The following GALNT3 variants were observed in gnomAD, a reference collection of about 807,000 sequenced individuals.
The protein encoded by GALNT3 is GalNAc transferase 3.
GALNT3 carries 51 observed loss-of-function variants against 69.8 expected under a neutral mutation model. That is an observed-to-expected ratio of 0.73 (90% CI 0.58 to 0.92). GALNT3 has a LOEUF of 0.92. Among genes scored for constraint, GALNT3 ranks in the 40% least tolerant of loss-of-function variants. The pLI, the probability that GALNT3 is intolerant of heterozygous loss-of-function variation, is 0.00. For missense variants in GALNT3, 711 were observed against 760.0 expected (o/e 0.94, Z 0.76); for synonymous variants, 265 against 248.5 (o/e 1.07, Z -0.63).
At chr2:165,778,288 T>A (rs902017404) in intron 1 of GALNT3, among the ~76,000 whole-genome samples, 1 of 152,218 alleles carries the variant, frequency 6.6e-6, no homozygotes, top group East Asian at 1.9e-4. Flanking sequence ...TTTAGGTGGA[T>A]CCAGAGATTA....
intron 1 of GALNT3, among the ~76,000 whole-genome samples, chr2:165,782,656 C>T (rs1378871998): frequency 6.6e-6 from 1 of 152,138 alleles, no homozygotes; most frequent in Non-Finnish European, 1.5e-5. Flanking sequence ...CCATTTGTTA[C>T]CTGAGCACTT....
chr2:165,762,016 ATTGTTTTACATATTCATC>A lies in GALNT3; in HGVS notation c.709_726del (p.Asp237_Gln242del). 6.3e-7 allele frequency: 1 copy of A among 1,593,386 alleles called. No homozygotes were observed. The highest frequency in any genetic ancestry group is 8.6e-7 in the Non-Finnish European group (1 of 1,161,394). On this transcript the variant is annotated inframe_deletion, in exon 4 of 11. Coordinates refer to ENST00000392701, the MANE Select transcript of GALNT3 (RefSeq NM_004482.4). ...TGTCTGACTATTTTTACTATAGAAA[ATTGTTTTACATATTCATC>A]TAGTTTATCATGTAAGTACTCTGTA... is the stretch of plus-strand genomic sequence containing the variant.
intron 1 of GALNT3, among the ~76,000 whole-genome samples, chr2:165,778,831 G>A (rs1433657475): frequency 2.6e-5 from 4 of 152,190 alleles, no homozygotes; most frequent in African/African-American, 9.6e-5. Flanking sequence ...CAGGAGTTTA[G>A]TGAACTTTCA....
intron 1 of GALNT3, among the ~76,000 whole-genome samples, chr2:165,793,443 T>A (rs552741618): frequency 6.6e-6 from 1 of 152,216 alleles, no homozygotes; most frequent in East Asian, 1.9e-4. Context: ...GAGAGGGGTG[T>A]CCGCGTCCCG....
chr2:165,787,234 T>C (rs1683242870), intron 1 of GALNT3, among the ~76,000 whole-genome samples: 1 of 152,190 alleles, frequency 6.6e-6, no homozygotes, highest in South Asian at 2.1e-4. Context: ...GCATGTTAAG[T>C]AGTTATGCCA....
intron 4 of GALNT3, among the ~76,000 whole-genome samples, chr2:165,761,240 G>T (rs2105409439): frequency 6.6e-6 from 1 of 152,158 alleles, no homozygotes; most frequent in African/African-American, 2.4e-5. Flanking sequence ...GAAACGGAGT[G>T]TCACTCTGCT....
At chr2:165,783,849 C>G (rs1683164507) in intron 1 of GALNT3, among the ~76,000 whole-genome samples, 1 of 152,144 alleles carries the variant, frequency 6.6e-6, no homozygotes, top group Non-Finnish European at 1.5e-5. Flanking sequence ...AGATATAAAA[C>G]AGAATTTTTT....
intron 1 of GALNT3, among the ~76,000 whole-genome samples, chr2:165,777,626 T>C (rs1448451065): frequency 3.9e-5 from 6 of 152,336 alleles, no homozygotes; most frequent in African/African-American, 1.4e-4. Flanking sequence ...GTTTTGATTA[T>C]GTTTAAGTTC....
At position 165,749,800 on chromosome 2, in the gene GALNT3, C is replaced by T. The variant is rs1243794501; in HGVS notation, c.1721G>A (p.Cys574Tyr). The T allele has an allele frequency of 3.7e-6, 6 of 1,613,520 alleles. No homozygotes were observed. Among genetic ancestry groups the T allele is most frequent in the Non-Finnish European group, 5.1e-6 (6 of 1,179,634 alleles). The change falls in exon 10 of 11, where the codon TGT becomes TAT. Residue 574 changes from cysteine (C) to tyrosine (Y), a missense_variant. Cys to Tyr is a radical substitution (Grantham distance 194). Transcript: ENST00000392701. ...AACTGTCTTGTGACCTTTGTAGGTACATGCCTTCAGCTGAACGAGACCTTG... is the reference window on the plus strand; with the variant it reads ...AACTGTCTTGTGACCTTTGTAGGTATATGCCTTCAGCTGAACGAGACCTTG... ...AAQGLVQLKA[C>Y]TYKGHKTVVT...
chr2:165,762,118 G>T, intron 3 of GALNT3, 64 bp from the exon 4 acceptor site: 1 of 1,172,532 alleles, frequency 8.5e-7, no homozygotes, highest in East Asian at 2.4e-5. Flanking sequence ...GCTTATGAAA[G>T]CTAATGAAAC....
rs200595607 is a variant in GALNT3, at chr2:165,770,328, C to T, written c.373G>A (p.Gly125Ser). The T allele has an allele frequency of 3.1e-6, 5 of 1,614,076 alleles. No homozygotes were observed. The highest frequency in any genetic ancestry group is 4.2e-6 in the Non-Finnish European group (5 of 1,180,030). ...PQDSNAPGAS[G>S]KAFKTTNLSV... Reference sequence around the variant, plus strand: ...AAATTGGTTGTCTTGAATGCTTTACCAGAAGCACCAGGTGCATTTGAATCC... The same window carrying T: ...AAATTGGTTGTCTTGAATGCTTTACTAGAAGCACCAGGTGCATTTGAATCC... The change falls in exon 2 of 11, where the codon GGT becomes AGT. Residue 125 changes from glycine to serine, a missense_variant. Physicochemically the swap from Gly to Ser is moderately conservative, Grantham distance 56 (BLOSUM62 0). Transcript: ENST00000392701.
At chr2:165,754,583 T>G (rs769480810) in intron 9 of GALNT3, 44 bp downstream of exon 9, 1 of 1,370,084 alleles carries the variant, frequency 7.3e-7, no homozygotes, top group East Asian at 2.3e-5. Context: ...TCACTTGTGC[T>G]TGTAAATGCT....
rs1222398033 is a variant in GALNT3 at position 165,748,915 on chromosome 2, G to A, written c.1780-12C>T. On this transcript the variant is annotated splice_polypyrimidine_tract_variant and intron_variant, in intron 10 of 10. Transcript: ENST00000392701. Reference sequence around the variant, plus strand: ...TATAGAAGTTGATCCTAGAATAAAAGGAAACAACAGACATTAAATTCCAAG... The same window carrying A: ...TATAGAAGTTGATCCTAGAATAAAAAGAAACAACAGACATTAAATTCCAAG... 6.2e-7 allele frequency: 1 copy of A among 1,605,802 alleles called. No homozygotes were observed. Among genetic ancestry groups the A allele is most frequent in the Admixed American group, 1.7e-5 (1 of 59,546 alleles).
Position 165,758,919 on chromosome 2 carries a change from G to A in GALNT3, c.1074-55C>T, listed in dbSNP as rs1241713603. On this transcript the variant is annotated intron_variant, in intron 5 of 10. Coordinates refer to ENST00000392701, the MANE Select transcript of GALNT3 (RefSeq NM_004482.4). The stretch of plus-strand genomic sequence containing the variant: ...TATAAAAACTAAACAAGATAAAACA[G>A]CATATTTTAAGAACTGAAGTTAAAA... The A allele has an allele frequency of 3.7e-6, 4 of 1,094,468 alleles. No individual in the cohort carries two copies. The African/African-American group carries it at 6.2e-5, about 17-fold the overall frequency. The allele number at this position is 1,094,468 out of a possible 1,614,324, so 67.8% of individuals were successfully genotyped here. A position where few individuals can be genotyped will look rare whatever the true frequency, so the allele number is the denominator to read the frequency against.
rs183165675 is a variant in GALNT3, at chr2:165,758,588, T to G, written c.1191+159A>C. 12 of 577,210 alleles carry G rather than the reference T, an allele frequency of 2.1e-5. No individual in the cohort carries two copies. The East Asian group carries it at 3.5e-4, about 17-fold the overall frequency. 35.8% of individuals were successfully genotyped at this position (577,210 alleles called of 1,614,324 possible). On this transcript the variant is annotated intron_variant, in intron 6 of 10. Transcript: ENST00000392701. ...ATGAATAAATATATTAAGTTACATA[T>G]TAAAAGAAAATATTCTTATTCCAAA...
rs193294976 is a variant in GALNT3 at position 165,747,650 on chromosome 2, A to G, written c.*1131T>C. The G allele has an allele frequency of 2.6e-5, 4 of 153,152 alleles. No individual in the cohort carries two copies. The East Asian group carries it at 7.6e-4, about 29-fold the overall frequency. The allele number at this position is 153,152 out of a possible 1,614,324, so 9.5% of individuals were successfully genotyped here. A position where few individuals can be genotyped will look rare whatever the true frequency, so the allele number is the denominator to read the frequency against. ...AATTTTCTAAATATTGAACACAGGA[A>G]TTTTGCTATTCCTCATTTTTTGTGC... On this transcript the variant is annotated 3_prime_UTR_variant, in exon 11 of 11. Coordinates refer to ENST00000392701, the MANE Select transcript of GALNT3 (RefSeq NM_004482.4).
Position 165,770,631 on chromosome 2 carries a change from C to G in GALNT3, c.70G>C (p.Gly24Arg). ...ATTATAAAGAAAAAAATTACTGCAC[C>G]AAGCTTCCAGAACTTTTTATGGTAA... ...RHYHKKFWKL[G>R]AVIFFFIIVL... Residue 24 changes from glycine (G) to arginine (R), a missense_variant, in exon 2 of 11, where the codon GGT becomes CGT. Transcript: ENST00000392701. 1 of 1,601,754 alleles carries G rather than the reference C, an allele frequency of 6.2e-7. No individual in the cohort carries two copies. Among genetic ancestry groups the G allele is most frequent in the Non-Finnish European group, 8.5e-7 (1 of 1,176,208 alleles).
rs202158308 is a variant in GALNT3, at chr2:165,754,886, G to C, written c.1524+46C>G. 64 of 1,599,000 alleles carry C rather than the reference G, an allele frequency of 4.0e-5. No homozygotes were observed. The East Asian group carries it at 1.4e-3, about 36-fold the overall frequency. On this transcript the variant is annotated intron_variant, in intron 8 of 10. Transcript: ENST00000392701. ...TTTTCTTAGAACCACATAAAGGTTG[G>C]TGGCAAGGAGTATATTAATTAAAAA...
intron 1 of GALNT3, among the ~76,000 whole-genome samples, chr2:165,784,165 TA>T (rs1683172776): frequency 6.6e-6 from 1 of 152,318 alleles, no homozygotes; most frequent in South Asian, 2.1e-4. Context: ...TGAGGCCTAC[TA>T]AACACACACT....
Sources: allele counts gnomAD v4.1 joint callset (sites outside exome capture counted in the v4.1 genomes callset), GRCh38; gene constraint gnomAD v4.1.1; transcripts MANE v1.5; gene names NCBI Gene and HGNC (gene_info 2026-07-23, HGNC 2026-07-21).